The following SLC9B1 variants were observed in gnomAD, a reference collection of about 807,000 sequenced individuals.
SLC9B1 encodes sodium/hydrogen exchanger 9B1.
A neutral mutation model predicts 51.7 loss-of-function variants in SLC9B1; 32 were observed. The observed-to-expected ratio is 0.62, with a 90% confidence interval of 0.47 to 0.83. The LOEUF (loss-of-function observed/expected upper bound fraction) is 0.83. SLC9B1 is among the 40% of genes least tolerant of loss of function. The probability of loss-of-function intolerance (pLI) is 0.00; values close to 1 mark genes in which losing one functional copy is unlikely to be tolerated. For synonymous variants in SLC9B1, 145 were observed against 212.7 expected (o/e 0.68, Z 2.77); for missense variants, 406 against 613.2 (o/e 0.66, Z 3.57).
intron 1 of SLC9B1, among the ~76,000 whole-genome samples, chr4:102,998,625 G>T (rs1243052823): frequency 4.0e-5 from 6 of 150,754 alleles, no homozygotes; most frequent in African/African-American, 1.5e-4. Context: ...TTCACAGCAG[G>T]TACATCATTT....
At chr4:102,981,256 C>A (rs895286751) in intron 3 of SLC9B1, among the ~76,000 whole-genome samples, 1 of 152,082 alleles carries the variant, frequency 6.6e-6, no homozygotes, top group African/African-American at 2.4e-5. Flanking sequence ...TAATGAAAGA[C>A]ATTTTGATTG....
chr4:102,992,818 G>A (rs1170805243), intron 1 of SLC9B1, among the ~76,000 whole-genome samples: 1 of 152,102 alleles, frequency 6.6e-6, no homozygotes, highest in Non-Finnish European at 1.5e-5. Flanking sequence ...AATTTATAAA[G>A]GAAAGAGGTT....
chr4:102,943,493 A>C (rs575033081), intron 6 of SLC9B1, among the ~76,000 whole-genome samples: 24 of 145,730 alleles, frequency 1.6e-4, no homozygotes, highest in African/African-American at 6.2e-4. Flanking sequence ...CTATGTGTAT[A>C]TATGTGTATG....
At position 102,933,927 on chromosome 4, in the gene SLC9B1, C is replaced by T. The variant is rs564134012; in HGVS notation, c.654-1628G>A. ...TCAATTTTACCATCGCCCAACACCA[C>T]GTCTGGCTAGTTTTTGTGTTTTTAG... On this transcript the variant is annotated intron_variant, in intron 6 of 11. Transcript: ENST00000296422. Among the ~76,000 whole-genome samples, 838 of 146,624 alleles carry T rather than the reference C, an allele frequency of 5.7e-3. 7 individuals carry two copies. The highest frequency in any genetic ancestry group is 0.019 in the African/African-American group (771 of 39,964).
At chr4:102,920,719 A>C (rs1292599539) in intron 7 of SLC9B1, among the ~76,000 whole-genome samples, 1 of 152,226 alleles carries the variant, frequency 6.6e-6, no homozygotes, top group Admixed American at 6.5e-5. Context: ...ACCTTAAGTG[A>C]CCTGATGGAG....
Position 102,910,144 on chromosome 4 carries a change from T to C in SLC9B1, c.1086+295A>G, listed in dbSNP as rs1735270077. Among the ~76,000 whole-genome samples, 3 of 152,224 alleles carry C rather than the reference T, an allele frequency of 2.0e-5. No individual in the cohort carries two copies. In the Middle Eastern group the frequency reaches 0.01, roughly 518 times the overall value. ...ACAAACATTTTTCATGGATTAATTG[T>C]ATAATTAAAATTTCAATGAATAAAA... is the stretch of plus-strand genomic sequence containing the variant. On this transcript the variant is annotated intron_variant, in intron 9 of 11. Transcript: ENST00000296422.
chr4:102,920,525 G>T (rs1447157985), intron 7 of SLC9B1, among the ~76,000 whole-genome samples: 2 of 152,194 alleles, frequency 1.3e-5, no homozygotes, highest in African/African-American at 2.4e-5. Flanking sequence ...GCAGCTCCTT[G>T]TCAGCAATGG....
At chr4:102,957,440 T>A (rs796176785) in intron 3 of SLC9B1, among the ~76,000 whole-genome samples, 6 of 152,192 alleles carry the variant, frequency 3.9e-5, no homozygotes, top group African/African-American at 1.4e-4. Flanking sequence ...AGATGACTTA[T>A]CACATACAGG....
chr4:103,014,131 C>G (rs1347421123), intron 1 of SLC9B1, among the ~76,000 whole-genome samples: 1 of 152,180 alleles, frequency 6.6e-6, no homozygotes, highest in African/African-American at 2.4e-5. Context: ...TTGACCCTGC[C>G]TACCTTCTCA....
intron 7 of SLC9B1, among the ~76,000 whole-genome samples, chr4:102,922,916 A>T (rs1735956493): frequency 6.6e-6 from 1 of 152,154 alleles, no homozygotes; most frequent in Non-Finnish European, 1.5e-5. Context: ...AATAATTAAT[A>T]GCCTACCAAC....
intron 6 of SLC9B1, among the ~76,000 whole-genome samples, chr4:102,933,644 T>A (rs1736570927): frequency 6.6e-6 from 1 of 152,210 alleles, no homozygotes; most frequent in Non-Finnish European, 1.5e-5. Context: ...AGTTTACTCA[T>A]GTAGCTATTG....
intron 3 of SLC9B1, among the ~76,000 whole-genome samples, chr4:102,972,568 A>C (rs1170127736): frequency 6.6e-6 from 1 of 152,210 alleles, no homozygotes; most frequent in East Asian, 1.9e-4. Flanking sequence ...TTTTCATGGA[A>C]GGCAAAACTA....
At chr4:103,014,480 G>A (rs1385058228) in intron 1 of SLC9B1, among the ~76,000 whole-genome samples, 2 of 152,164 alleles carry the variant, frequency 1.3e-5, no homozygotes, top group Non-Finnish European at 2.9e-5. Context: ...TCTGTATACA[G>A]AATGTGGTAA....
intron 1 of SLC9B1, among the ~76,000 whole-genome samples, chr4:103,019,038 A>AC (rs974318271): frequency 1.8e-4 from 28 of 151,916 alleles, no homozygotes; most frequent in Non-Finnish European, 1.0e-4. Context: ...CTTGCCCCCC[A>AC]CCCCAAACTG....
At chr4:102,979,682 T>G (rs2110508635) in intron 3 of SLC9B1, among the ~76,000 whole-genome samples, 1 of 152,310 alleles carries the variant, frequency 6.6e-6, no homozygotes. Flanking sequence ...CTCTACTGAC[T>G]ATAACCCAGA....
chr4:102,975,584 ATATTTTTTTT>A (rs1263161753), intron 3 of SLC9B1, among the ~76,000 whole-genome samples: 9 of 80,182 alleles, frequency 1.1e-4, no homozygotes, highest in Non-Finnish European at 1.8e-4. Context: ...ATATATATAT[ATATTTTTTTT>A]TTTTTTTTTT....
In SLC9B1 at chr4:102,910,434, T is replaced by C. The variant is rs1448307568; in HGVS notation, c.1086+5A>G. 1.9e-6 allele frequency: 3 copies of C among 1,544,054 alleles called. No individual in the cohort carries two copies. Among genetic ancestry groups the C allele is most frequent in the African/African-American group, 2.8e-5 (2 of 70,332 alleles). ...TTTAAAATATAGCATATTAAAAATA[T>C]TCACCTTTTCTTGGGACCATTTTGT... is the stretch of plus-strand genomic sequence containing the variant. On this transcript the variant is annotated splice_donor_5th_base_variant and intron_variant, in intron 9 of 11. Coordinates refer to ENST00000296422, the MANE Select transcript of SLC9B1 (RefSeq NM_139173.4).
intron 7 of SLC9B1, among the ~76,000 whole-genome samples, chr4:102,922,215 C>T (rs1168166723): frequency 6.6e-6 from 1 of 152,232 alleles, no homozygotes; most frequent in Non-Finnish European, 1.5e-5. Flanking sequence ...AACTGTCTCT[C>T]AGACCACAGT....
intron 7 of SLC9B1, among the ~76,000 whole-genome samples, chr4:102,917,272 T>C (rs1274519858): frequency 2.0e-5 from 3 of 152,146 alleles, no homozygotes. Flanking sequence ...GACTGAGCCA[T>C]GTCACTGGCT....
Sources: allele counts gnomAD v4.1 joint callset (sites outside exome capture counted in the v4.1 genomes callset), GRCh38; gene constraint gnomAD v4.1.1; transcripts MANE v1.5; gene names NCBI Gene and HGNC (gene_info 2026-07-23, HGNC 2026-07-21).